PRKCI: variants seen among roughly 807,000 people sequenced by gnomAD.
PRKCI encodes protein kinase C iota, also known as protein kinase C iota type.
A neutral mutation model predicts 84.0 loss-of-function variants in PRKCI; 43 were observed. The ratio of observed to expected loss-of-function variants is 0.51; its 90% CI spans 0.40 to 0.66. PRKCI has a LOEUF of 0.66. Ranked by LOEUF, PRKCI falls within the 30% of genes least tolerant of loss-of-function variation. The pLI, the probability that PRKCI is intolerant of heterozygous loss-of-function variation, is 0.00. For missense variants in PRKCI, 459 were observed against 745.6 expected (o/e 0.62, Z 4.48); for synonymous variants, 216 against 234.4 (o/e 0.92, Z 0.72).
intron 4 of PRKCI, among the ~76,000 whole-genome samples, chr3:170,267,636 G>A (rs1201802112): frequency 2.2e-5 from 3 of 137,688 alleles, no homozygotes; most frequent in South Asian, 2.2e-4. Flanking sequence ...CTGTGCCACC[G>A]CACTCCAGCC....
At position 170,222,575 on chromosome 3, in the gene PRKCI, G is replaced by A. The variant is rs1193051232; in HGVS notation, c.-95G>A. On this transcript the variant is annotated 5_prime_UTR_variant, in exon 1 of 18. Coordinates refer to ENST00000295797, the MANE Select transcript of PRKCI (RefSeq NM_002740.6). ...GCAGGTAGGTGGGCGGACGGCCGCGGTTCTCCGGCAAGCGCAGGCGGCGGA... is the reference window on the plus strand; with the variant it reads ...GCAGGTAGGTGGGCGGACGGCCGCGATTCTCCGGCAAGCGCAGGCGGCGGA... 1.6e-5 allele frequency: 18 copies of A among 1,135,808 alleles called. No homozygotes were observed. Among genetic ancestry groups the A allele is most frequent in the Non-Finnish European group, 2.2e-5 (18 of 825,058 alleles). The allele number at this position is 1,135,808 out of a possible 1,614,324, so 70.4% of individuals were successfully genotyped here.
chr3:170,269,407 A>G (rs2108853153), intron 5 of PRKCI, among the ~76,000 whole-genome samples: 1 of 152,294 alleles, frequency 6.6e-6, no homozygotes, highest in South Asian at 2.1e-4. Flanking sequence ...CATGCCTGTA[A>G]TCCCAGCAGT....
intron 15 of PRKCI, among the ~76,000 whole-genome samples, chr3:170,296,590 T>C (rs1734689100): frequency 1.3e-5 from 2 of 152,150 alleles, no homozygotes; most frequent in African/African-American, 4.8e-5. Context: ...ATAGAAAAGT[T>C]GATGTACATT....
At chr3:170,275,192 T>C in intron 7 of PRKCI, 37 bp from the exon 8 acceptor site, 1 of 1,443,138 alleles carries the variant, frequency 6.9e-7, no homozygotes, top group South Asian at 1.6e-5. Context: ...TGCACCTTTT[T>C]TTTTTTTTTT....
intron 1 of PRKCI, among the ~76,000 whole-genome samples, chr3:170,227,006 G>A (rs2108833259): frequency 6.6e-6 from 1 of 152,344 alleles, no homozygotes; most frequent in East Asian, 1.9e-4. Flanking sequence ...GTTGGAGGGA[G>A]AGTCTGGCGA....
intron 1 of PRKCI, among the ~76,000 whole-genome samples, chr3:170,232,361 T>G (rs542881905): frequency 1.3e-5 from 2 of 152,006 alleles, no homozygotes; most frequent in East Asian, 3.9e-4. Flanking sequence ...CACTCATTTA[T>G]TTTCATTTAT....
chr3:170,267,005 C>T (rs1371744278), intron 4 of PRKCI, among the ~76,000 whole-genome samples: 1 of 151,894 alleles, frequency 6.6e-6, no homozygotes, highest in African/African-American at 2.4e-5. Flanking sequence ...AAAAGAAAGT[C>T]ACTTTGAGAC....
chr3:170,243,765 T>A (rs999185781), intron 2 of PRKCI, among the ~76,000 whole-genome samples: 2 of 152,144 alleles, frequency 1.3e-5, no homozygotes, highest in Non-Finnish European at 2.9e-5. Context: ...GGTACTGTAT[T>A]CCAATTAGAA....
chr3:170,304,592 C>T lies in PRKCI; in HGVS notation c.*1465C>T, dbSNP rs1734910003. 1 of 152,102 alleles carries T rather than the reference C, an allele frequency of 6.6e-6. No individual in the cohort carries two copies. The highest frequency in any genetic ancestry group is 1.5e-5 in the Non-Finnish European group (1 of 68,018). 9.4% of individuals were successfully genotyped at this position (152,102 alleles called of 1,614,324 possible). On this transcript the variant is annotated 3_prime_UTR_variant, in exon 18 of 18. Coordinates refer to ENST00000295797, the MANE Select transcript of PRKCI (RefSeq NM_002740.6). The stretch of plus-strand genomic sequence containing the variant: ...ACACTCACACACATCACAGTATCAG[C>T]TCTTTCAGTGAGTTTTTATTAACTA...
At chr3:170,289,373 A>G (rs574183178) in intron 12 of PRKCI, among the ~76,000 whole-genome samples, 11 of 152,360 alleles carry the variant, frequency 7.2e-5, no homozygotes, top group African/African-American at 2.6e-4. Context: ...TATATATAAC[A>G]GGGTGAAATT....
In PRKCI at chr3:170,281,053, T is replaced by G. The variant is rs970561613; in HGVS notation, c.883-113T>G. The G allele has an allele frequency of 3.1e-5, 24 of 762,744 alleles. No individual in the cohort carries two copies. In the Admixed American group the frequency reaches 5.5e-4, roughly 17 times the overall value. 47.2% of individuals were successfully genotyped at this position (762,744 alleles called of 1,614,324 possible). On this transcript the variant is annotated intron_variant, in intron 9 of 17. Transcript: ENST00000295797. Reference sequence around the variant, plus strand: ...TTTCGTTTCATGATTATCAATGGTTTTGATATTTAGCCTAGTTAACCATTG... The same window carrying G: ...TTTCGTTTCATGATTATCAATGGTTGTGATATTTAGCCTAGTTAACCATTG...
chr3:170,237,990 C>A (rs1160319941), intron 2 of PRKCI, among the ~76,000 whole-genome samples: 1 of 152,124 alleles, frequency 6.6e-6, no homozygotes, highest in Non-Finnish European at 1.5e-5. Context: ...TGACATACAG[C>A]TGATATTTTG....
chr3:170,264,350 G>A (rs764951791), intron 4 of PRKCI, among the ~76,000 whole-genome samples: 65 of 151,914 alleles, frequency 4.3e-4, no homozygotes, highest in Non-Finnish European at 6.6e-4. Context: ...CGCAATCTTG[G>A]CTCATTGCAA....
At chr3:170,238,456 T>A in intron 2 of PRKCI, among the ~76,000 whole-genome samples, 1 of 140,972 alleles carries the variant, frequency 7.1e-6, no homozygotes, top group Admixed American at 7.2e-5. Flanking sequence ...TCAATTTGCA[T>A]CATTACTCTT....
intron 12 of PRKCI, among the ~76,000 whole-genome samples, chr3:170,287,969 G>A (rs971196435): frequency 4.6e-5 from 7 of 151,312 alleles, no homozygotes; most frequent in South Asian, 2.1e-4. Flanking sequence ...TCTCTTGGCC[G>A]GGTGCGGTGG....
At chr3:170,299,854 G>T (rs1734781901) in intron 17 of PRKCI, among the ~76,000 whole-genome samples, 1 of 152,158 alleles carries the variant, frequency 6.6e-6, no homozygotes, top group Admixed American at 6.5e-5. Flanking sequence ...ATTGCCTTAA[G>T]ATAGATTCCT....
Position 170,245,243 on chromosome 3 carries a change from G to A in PRKCI, c.223+9892G>A, listed in dbSNP as rs566581460. ...GTAGCCAAGTCAGACTAATTTGACT[G>A]ATTTGTGGCTAATTTGAGGATCCAC... On this transcript the variant is annotated intron_variant, in intron 2 of 17. Coordinates refer to ENST00000295797, the MANE Select transcript of PRKCI (RefSeq NM_002740.6). Among the ~76,000 whole-genome samples, 360 of 152,232 alleles carry A rather than the reference G, an allele frequency of 2.4e-3. 3 individuals carry two copies. The highest frequency in any genetic ancestry group is 3.7e-3 in the Non-Finnish European group (251 of 68,014).
chr3:170,263,263 G>T lies in PRKCI; in HGVS notation c.314-116G>T, dbSNP rs543171207. ...ACATGCTAAGTATCTTGTCTCAAGT[G>T]AAGAGAGGGTCAGGTTGAAATCTGG... On this transcript the variant is annotated intron_variant, in intron 3 of 17. Transcript: ENST00000295797. 5 of 758,896 alleles carry T rather than the reference G, an allele frequency of 6.6e-6. No individual in the cohort carries two copies. The South Asian group carries it at 8.8e-5, about 13-fold the overall frequency. The allele number at this position is 758,896 out of a possible 1,614,324, so 47.0% of individuals were successfully genotyped here. A position where few individuals can be genotyped will look rare whatever the true frequency, so the allele number is the denominator to read the frequency against.
intron 12 of PRKCI, 31 bp from the exon 13 acceptor site, chr3:170,291,823 C>A: frequency 6.5e-7 from 1 of 1,528,672 alleles, no homozygotes; most frequent in Non-Finnish European, 9.1e-7. Context: ...CTTTTTATCT[C>A]ATTCTTTCTT....
Sources: gnomAD v4.1 joint callset for allele counts (sites outside exome capture counted in the v4.1 genomes callset) on GRCh38, gnomAD v4.1.1 for gene constraint, MANE v1.5 for transcripts, NCBI Gene and HGNC (gene_info 2026-07-23, HGNC 2026-07-21) for gene names.